ZMYND8: variants seen among roughly 807,000 people sequenced by gnomAD.
ZMYND8 encodes zinc finger MYND-type containing 8.
In ZMYND8, 37 loss-of-function variants were observed where a neutral mutation model predicts 140.8. The observed-to-expected ratio is 0.26, with a 90% CI of 0.20 to 0.35. The LOEUF (loss-of-function observed/expected upper bound fraction) is 0.35, where lower values mean the gene tolerates loss of function less well. Ranked by LOEUF, ZMYND8 falls within the 10% of genes least tolerant of loss-of-function variation. The pLI is 1.00. For missense variants in ZMYND8, 1,068 were observed against 1,570.0 expected, an observed-to-expected ratio of 0.68 and a Z score of 5.40; for synonymous variants, 592 against 597.1, an observed-to-expected ratio of 0.99 and a Z score of 0.12.
intron 12 of ZMYND8, 83 bp from the exon 13 acceptor site, chr20:47,249,522 AAC>A: frequency 1.9e-6 from 3 of 1,549,488 alleles, no homozygotes; most frequent in Non-Finnish European, 2.6e-6. Flanking sequence ...GTCAGAGCAA[AAC>A]ACACATTTTA....
intron 2 of ZMYND8, among the ~76,000 whole-genome samples, chr20:47,341,046 C>G (rs111622897): frequency 2.0e-5 from 3 of 152,092 alleles, no homozygotes; most frequent in African/African-American, 7.2e-5. Context: ...AAACGGTGGA[C>G]AGTAGAAGCC....
At chr20:47,271,877 T>G (rs2075968510) in intron 11 of ZMYND8, among the ~76,000 whole-genome samples, 1 of 151,956 alleles carries the variant, frequency 6.6e-6, no homozygotes, top group Admixed American at 6.6e-5. Context: ...GAGACGGGGT[T>G]TCGCCATGTT....
intron 15 of ZMYND8, chr20:47,238,363 T>C (rs538155224): frequency 5.0e-4 from 116 of 230,252 alleles, no homozygotes; most frequent in Non-Finnish European, 6.1e-4. Flanking sequence ...TGCGCACATA[T>C]ATACATACAG....
intron 3 of ZMYND8, among the ~76,000 whole-genome samples, chr20:47,308,219 G>GA (rs2078651097): frequency 7.8e-6 from 1 of 128,748 alleles, no homozygotes. Context: ...TGGACGTGAG[G>GA]TTTTTTTTTT....
At chr20:47,324,780 T>C (rs2080272599) in intron 2 of ZMYND8, among the ~76,000 whole-genome samples, 1 of 152,182 alleles carries the variant, frequency 6.6e-6, no homozygotes, top group Admixed American at 6.5e-5. Context: ...TGCCACTTCA[T>C]CTTTTGGCTC....
chr20:47,227,390 C>T, intron 17 of ZMYND8, 109 bp from the exon 18 acceptor site: 1 of 984,372 alleles, frequency 1.0e-6, no homozygotes, highest in Non-Finnish European at 1.6e-6. Flanking sequence ...TCATGCTAAC[C>T]TTCCCACAGC....
intron 3 of ZMYND8, among the ~76,000 whole-genome samples, chr20:47,304,945 A>G (rs1036352177): frequency 1.3e-5 from 2 of 152,164 alleles, no homozygotes; most frequent in East Asian, 1.9e-4. Flanking sequence ...TCTCAGCCCA[A>G]CAAAAGACTT....
chr20:47,354,056 A>G (rs2083012097), intron 1 of ZMYND8: 1 of 152,170 alleles, frequency 6.6e-6, no homozygotes, highest in African/African-American at 2.4e-5. Context: ...GTCCTGCTGC[A>G]ATGCAGACAT....
chr20:47,285,858 T>C (rs1046099743), intron 8 of ZMYND8: 11 of 979,794 alleles, frequency 1.1e-5, no homozygotes, highest in African/African-American at 1.8e-5. Context: ...TAAAATAAAC[T>C]AAGTGAGAAA....
chr20:47,305,042 C>T (rs766424068), intron 3 of ZMYND8, among the ~76,000 whole-genome samples: 2 of 151,560 alleles, frequency 1.3e-5, no homozygotes, highest in African/African-American at 4.9e-5. Context: ...CAGGAGTCCG[C>T]GACCAGCCTG....
intron 18 of ZMYND8, 150 bp from the exon 19 acceptor site, chr20:47,224,706 G>C: frequency 7.3e-7 from 1 of 1,369,496 alleles, no homozygotes; most frequent in Non-Finnish European, 9.8e-7. Context: ...CCTAGCCCGA[G>C]TCTTCATCTG....
At chr20:47,257,526 T>G (rs1019916338) in intron 12 of ZMYND8, among the ~76,000 whole-genome samples, 1 of 151,480 alleles carries the variant, frequency 6.6e-6, no homozygotes, top group Non-Finnish European at 1.5e-5. Flanking sequence ...ATACATATAC[T>G]CACATATACC....
intron 19 of ZMYND8, among the ~76,000 whole-genome samples, chr20:47,222,564 C>T (rs6018349): frequency 0.033 from 5,057 of 151,982 alleles, 284 homozygotes; most frequent in African/African-American, 0.11. Context: ...AAGAAAAACG[C>T]GTCTGGGAGG....
At chr20:47,259,275 A>G (rs1368356708) in intron 12 of ZMYND8, among the ~76,000 whole-genome samples, 1 of 152,182 alleles carries the variant, frequency 6.6e-6, no homozygotes, top group East Asian at 1.9e-4. Context: ...TTCCCAAGGA[A>G]GCACGTGTGT....
chr20:47,268,904 G>A (rs1180825774), intron 11 of ZMYND8, among the ~76,000 whole-genome samples: 1 of 151,984 alleles, frequency 6.6e-6, no homozygotes, highest in Non-Finnish European at 1.5e-5. Flanking sequence ...ACAATCCAAA[G>A]AAGAGATATG....
At chr20:47,350,555 C>G (rs546050813) in intron 1 of ZMYND8, among the ~76,000 whole-genome samples, 9 of 151,942 alleles carry the variant, frequency 5.9e-5, no homozygotes, top group Middle Eastern at 3.4e-3. Context: ...AAGAAAAGAT[C>G]TGTACCTGTC....
chr20:47,334,764 C>G (rs1249677413), intron 2 of ZMYND8, among the ~76,000 whole-genome samples: 2 of 152,062 alleles, frequency 1.3e-5, no homozygotes, highest in Admixed American at 1.3e-4. Context: ...CACACGCCAC[C>G]ACACTCAGCT....
At chr20:47,303,972 TATCA>T (rs1443205492) in intron 3 of ZMYND8, among the ~76,000 whole-genome samples, 22 of 151,928 alleles carry the variant, frequency 1.4e-4, no homozygotes, top group Admixed American at 1.4e-3. Context: ...TTAATCTCCT[TATCA>T]ATCAGATATT....
chr20:47,329,358 C>T (rs2080741562), intron 2 of ZMYND8, among the ~76,000 whole-genome samples: 1 of 152,166 alleles, frequency 6.6e-6, no homozygotes, highest in South Asian at 2.1e-4. Context: ...CTGTCAGACA[C>T]TTGACACGTG....
Sources: allele counts gnomAD v4.1 joint callset (sites outside exome capture counted in the v4.1 genomes callset), GRCh38; gene constraint gnomAD v4.1.1; transcripts MANE v1.5; gene names NCBI Gene and HGNC (gene_info 2026-07-23, HGNC 2026-07-21).